The following CDK14 variants were observed in gnomAD, a reference collection of about 807,000 sequenced individuals.
The protein encoded by CDK14 is cyclin-dependent kinase 14.
CDK14 carries 34 observed loss-of-function variants against 60.7 expected under a neutral mutation model. The ratio of observed to expected loss-of-function variants is 0.56; its 90% CI spans 0.43 to 0.75. The LOEUF is 0.75. Ranked by LOEUF, CDK14 falls within the 30% of genes least tolerant of loss-of-function variation. The pLI is 0.00. For synonymous variants in CDK14, 197 were observed against 203.7 expected (o/e 0.97, Z 0.28); for missense variants, 482 against 564.1 (o/e 0.85, Z 1.47).
chr7:91,019,916 C>T (rs1031556486), intron 10 of CDK14, among the ~76,000 whole-genome samples: 2 of 152,164 alleles, frequency 1.3e-5, no homozygotes, highest in Non-Finnish European at 2.9e-5. Context: ...AAGAATTCAG[C>T]GGCTTAGAGC....
At chr7:91,038,908 G>A (rs1051676655) in intron 10 of CDK14, among the ~76,000 whole-genome samples, 32 of 152,180 alleles carry the variant, frequency 2.1e-4, no homozygotes, top group African/African-American at 7.7e-4. Flanking sequence ...GACCTCCCCA[G>A]CCATGTGGAA....
chr7:90,909,461 A>G (rs1407314697), intron 7 of CDK14, among the ~76,000 whole-genome samples: 1 of 120,948 alleles, frequency 8.3e-6, no homozygotes, highest in African/African-American at 3.2e-5. Flanking sequence ...GCTTCACGGT[A>G]TATACAAAGC....
chr7:90,834,404 G>A (rs974347009), intron 5 of CDK14, among the ~76,000 whole-genome samples: 3 of 152,204 alleles, frequency 2.0e-5, no homozygotes, highest in Non-Finnish European at 2.9e-5. Flanking sequence ...AAGGCTGGAA[G>A]CTGATGTGTG....
chr7:90,988,717 T>C (rs1795445363), intron 10 of CDK14, among the ~76,000 whole-genome samples: 1 of 152,094 alleles, frequency 6.6e-6, no homozygotes, highest in Non-Finnish European at 1.5e-5. Context: ...CTGAAACCTT[T>C]GGCAGATGCT....
chr7:90,920,345 G>T (rs1274344011), intron 8 of CDK14, among the ~76,000 whole-genome samples: 2 of 152,154 alleles, frequency 1.3e-5, no homozygotes, highest in East Asian at 1.9e-4. Flanking sequence ...AAGTATGATT[G>T]TAGTTCTCAT....
intron 4 of CDK14, among the ~76,000 whole-genome samples, chr7:90,758,655 A>T (rs1363624148): frequency 1.3e-5 from 2 of 152,206 alleles, no homozygotes; most frequent in African/African-American, 4.8e-5. Flanking sequence ...TCAGATGAGG[A>T]TTCTGCCCTC....
chr7:90,814,260 A>G (rs1048720157), intron 5 of CDK14, among the ~76,000 whole-genome samples: 1 of 152,184 alleles, frequency 6.6e-6, no homozygotes, highest in Non-Finnish European at 1.5e-5. Flanking sequence ...AACTGATAGA[A>G]GAGGTGGCCC....
At position 90,784,637 on chromosome 7, in the gene CDK14, T is replaced by C. The variant is rs142447955; in HGVS notation, c.465-5936T>C. On this transcript the variant is annotated intron_variant, in intron 4 of 14. Coordinates refer to ENST00000380050, the MANE Select transcript of CDK14 (RefSeq NM_001287135.2). ...CTCTCTGTATTACTTTGATATAGAT[T>C]ATGACAAGGTGTAATTACTGACAGT... Among the ~76,000 whole-genome samples the C allele has an allele frequency of 2.3e-3, 349 of 152,330 alleles. 2 individuals carry two copies. Among genetic ancestry groups the C allele is most frequent in the African/African-American group, 8.0e-3 (333 of 41,578 alleles).
rs1470333603 is a variant in CDK14 at position 90,873,467 on chromosome 7, T to C, written c.639+10198T>C. Among the ~76,000 whole-genome samples, 7 of 152,328 alleles carry C rather than the reference T, an allele frequency of 4.6e-5. No individual in the cohort carries two copies. The East Asian group carries it at 1.3e-3, about 29-fold the overall frequency. The stretch of plus-strand genomic sequence containing the variant: ...AAATGACCACTTCTTGCATTCTATT[T>C]AGTGTTTTTAATTTTACTTTTTCTT... On this transcript the variant is annotated intron_variant, in intron 6 of 14. Transcript: ENST00000380050.
At chr7:90,725,354 T>C (rs984451094) in intron 2 of CDK14, among the ~76,000 whole-genome samples, 1 of 152,176 alleles carries the variant, frequency 6.6e-6, no homozygotes, top group Non-Finnish European at 1.5e-5. Context: ...TCTATATCTA[T>C]GCATCTGTGT....
intron 3 of CDK14, among the ~76,000 whole-genome samples, chr7:90,731,789 A>G (rs2116733391): frequency 6.6e-6 from 1 of 152,240 alleles, no homozygotes; most frequent in South Asian, 2.1e-4. Context: ...CTGCAAACAG[A>G]GGCAATTTGA....
At chr7:90,802,507 A>G (rs548755328) in intron 5 of CDK14, among the ~76,000 whole-genome samples, 1 of 152,302 alleles carries the variant, frequency 6.6e-6, no homozygotes, top group Non-Finnish European at 1.5e-5. Flanking sequence ...TTGGTCTTAC[A>G]GTAAATTTTA....
chr7:90,601,212 C>T (rs1203802709), intron 1 of CDK14, among the ~76,000 whole-genome samples: 1 of 152,232 alleles, frequency 6.6e-6, no homozygotes, highest in Non-Finnish European at 1.5e-5. Flanking sequence ...CTTGTTACTC[C>T]ATGAAATCCT....
intron 2 of CDK14, among the ~76,000 whole-genome samples, chr7:90,698,192 ATAGG>A (rs915154441): frequency 1.3e-4 from 19 of 151,906 alleles, no homozygotes; most frequent in African/African-American, 4.6e-4. Context: ...GTTTGTTCTG[ATAGG>A]TAGGATTAAT....
chr7:91,098,548 G>T (rs1008074955), intron 12 of CDK14, among the ~76,000 whole-genome samples: 1 of 151,096 alleles, frequency 6.6e-6, no homozygotes, highest in Non-Finnish European at 1.5e-5. Flanking sequence ...AGAAATAAAG[G>T]CAAAAAGAGA....
At position 90,963,424 on chromosome 7, in the gene CDK14, T is replaced by C. The variant is rs547992412; in HGVS notation, c.947+7607T>C. ...AGTGAGACCTACAAAAATAAAAAATTAAAAAAAAATAGAAGTACATAAACT... is the reference window on the plus strand; with the variant it reads ...AGTGAGACCTACAAAAATAAAAAATCAAAAAAAAATAGAAGTACATAAACT... On this transcript the variant is annotated intron_variant, in intron 9 of 14. Coordinates refer to ENST00000380050, the MANE Select transcript of CDK14 (RefSeq NM_001287135.2). Among the ~76,000 whole-genome samples the C allele has an allele frequency of 6.6e-5, 10 of 150,500 alleles. No individual in the cohort carries two copies. In the East Asian group the frequency reaches 1.9e-3, roughly 29 times the overall value.
intron 2 of CDK14, among the ~76,000 whole-genome samples, chr7:90,624,490 A>G (rs2116382358): frequency 6.6e-6 from 1 of 152,292 alleles, no homozygotes; most frequent in East Asian, 1.9e-4. Context: ...AGAAACATAA[A>G]TCCTATTTTG....
chr7:91,007,382 A>G (rs2115788796), intron 10 of CDK14, among the ~76,000 whole-genome samples: 1 of 152,362 alleles, frequency 6.6e-6, no homozygotes, highest in East Asian at 1.9e-4. Flanking sequence ...CCTGGGACTT[A>G]CCAAAGCATA....
At chr7:91,057,888 G>C (rs958656895) in intron 11 of CDK14, among the ~76,000 whole-genome samples, 1 of 152,058 alleles carries the variant, frequency 6.6e-6, no homozygotes, top group African/African-American at 2.4e-5. Flanking sequence ...TGGCAATGAG[G>C]GCTCTTTTTT....
Sources: gnomAD v4.1 joint callset for allele counts (sites outside exome capture counted in the v4.1 genomes callset) on GRCh38, gnomAD v4.1.1 for gene constraint, MANE v1.5 for transcripts, NCBI Gene and HGNC (gene_info 2026-07-23, HGNC 2026-07-21) for gene names.